Variants in SHLD1 observed in about 807,000 individuals in gnomAD.
SHLD1 encodes RINN1-REV7-interacting novel NHEJ regulator 3.
SHLD1 carries 3 observed loss-of-function variants against 5.5 expected under a neutral mutation model. That is an observed-to-expected ratio of 0.54 (90% CI 0.25 to 1.40). The LOEUF (loss-of-function observed/expected upper bound fraction) is 1.40, where lower values mean the gene tolerates loss of function less well. Among genes scored for constraint, SHLD1 ranks in the 40% most tolerant of loss-of-function variants. The pLI is 0.15. For synonymous variants in SHLD1, 92 were observed against 94.3 expected (o/e 0.98, Z 0.14); for missense variants, 210 against 244.4 (o/e 0.86, Z 0.94).
At chr20:5,786,153 A>G (rs762711577) in intron 2 of SHLD1, among the ~76,000 whole-genome samples, 37 of 152,220 alleles carry the variant, frequency 2.4e-4, no homozygotes, top group Admixed American at 7.2e-4. Context: ...AAGGCCAGCC[A>G]TAGAAGCTAG....
chr20:5,850,659 T>C (rs1169685672), intron 2 of SHLD1, among the ~76,000 whole-genome samples: 1 of 151,946 alleles, frequency 6.6e-6, no homozygotes, highest in African/African-American at 2.4e-5. Flanking sequence ...TACAGGTGTG[T>C]GCCACCACAC....
Position 5,863,562 on chromosome 20 carries a change from G to A in SHLD1, c.*99G>A. On this transcript the variant is annotated 3_prime_UTR_variant, in exon 3 of 3. Coordinates refer to ENST00000303142, the MANE Select transcript of SHLD1 (RefSeq NM_152504.4). ...TCCCCTAGGGTCTCTGGCCAGCTCT[G>A]TGTGCCCAATCCCAATTAAGTGCTT... 8.2e-7 allele frequency: 1 copy of A among 1,222,424 alleles called. No homozygotes were observed. Among genetic ancestry groups the A allele is most frequent in the South Asian group, 1.5e-5 (1 of 67,676 alleles). 75.7% of individuals were successfully genotyped at this position (1,222,424 alleles called of 1,614,324 possible).
chr20:5,819,935 T>G (rs905916864), intron 2 of SHLD1, among the ~76,000 whole-genome samples: 88 of 149,422 alleles, frequency 5.9e-4, no homozygotes, highest in African/African-American at 2.0e-3. Context: ...CTTGACAGTG[T>G]TTTTTTTTTG....
At chr20:5,803,820 C>T (rs1038383484) in intron 2 of SHLD1, among the ~76,000 whole-genome samples, 9 of 150,852 alleles carry the variant, frequency 6.0e-5, no homozygotes, top group Admixed American at 2.0e-4. Context: ...TGCAGTGAAC[C>T]GAGATCGCGC....
intron 2 of SHLD1, among the ~76,000 whole-genome samples, chr20:5,836,761 A>G (rs1378453154): frequency 1.3e-5 from 2 of 152,276 alleles, no homozygotes; most frequent in East Asian, 3.9e-4. Context: ...CCCAGACCAT[A>G]AGCCCTACCC....
chr20:5,803,501 T>A (rs2087327934), intron 2 of SHLD1, among the ~76,000 whole-genome samples: 1 of 152,066 alleles, frequency 6.6e-6, no homozygotes, highest in Non-Finnish European at 1.5e-5. Flanking sequence ...ATAGAAAGAA[T>A]GAAAGCTCTC....
intron 1 of SHLD1, among the ~76,000 whole-genome samples, chr20:5,754,384 T>C (rs1471309232): frequency 6.6e-6 from 1 of 152,174 alleles, no homozygotes; most frequent in Admixed American, 6.6e-5. Flanking sequence ...GTGCTGGGAC[T>C]ACAGGTGTCA....
At chr20:5,822,587 G>A (rs2087618150) in intron 2 of SHLD1, among the ~76,000 whole-genome samples, 1 of 152,096 alleles carries the variant, frequency 6.6e-6, no homozygotes, top group Admixed American at 6.6e-5. Flanking sequence ...GACAAATTGT[G>A]TGGTTCCTTA....
intron 2 of SHLD1, among the ~76,000 whole-genome samples, chr20:5,826,606 A>T (rs937949630): frequency 2.0e-5 from 3 of 152,098 alleles, no homozygotes; most frequent in African/African-American, 7.2e-5. Flanking sequence ...CCAGCTCTGA[A>T]GTCCTCCTCC....
At chr20:5,780,726 G>A (rs902355684) in intron 2 of SHLD1, among the ~76,000 whole-genome samples, 1 of 152,194 alleles carries the variant, frequency 6.6e-6, no homozygotes, top group Admixed American at 6.5e-5. Context: ...TTTTGAAGGG[G>A]CTGCCTGCCT....
chr20:5,757,908 C>T (rs1324545889), intron 1 of SHLD1, among the ~76,000 whole-genome samples: 4 of 152,128 alleles, frequency 2.6e-5, no homozygotes, highest in Non-Finnish European at 5.9e-5. Flanking sequence ...CAGTCCACAT[C>T]AATTATTTTC....
chr20:5,752,163 T>A (rs1271629690), intron 1 of SHLD1, among the ~76,000 whole-genome samples: 4 of 152,068 alleles, frequency 2.6e-5, no homozygotes, highest in Non-Finnish European at 4.4e-5. Flanking sequence ...TGTGAGGCCG[T>A]GGCAGGCAGA....
At chr20:5,835,482 T>C (rs1253163142) in intron 2 of SHLD1, among the ~76,000 whole-genome samples, 1 of 152,090 alleles carries the variant, frequency 6.6e-6, no homozygotes, top group Non-Finnish European at 1.5e-5. Context: ...CTGCAGAAGC[T>C]GTGGTGGGGG....
intron 2 of SHLD1, among the ~76,000 whole-genome samples, chr20:5,838,900 G>A (rs2087821647): frequency 6.6e-6 from 1 of 152,224 alleles, no homozygotes; most frequent in Non-Finnish European, 1.5e-5. Context: ...TGTGGCTGAT[G>A]TCCTTGTCAG....
intron 1 of SHLD1, among the ~76,000 whole-genome samples, chr20:5,771,019 C>G (rs564345161): frequency 6.6e-6 from 1 of 152,156 alleles, no homozygotes; most frequent in African/African-American, 2.4e-5. Flanking sequence ...CAGCTGTCAC[C>G]CATACTTTCT....
At chr20:5,782,580 A>G (rs914744757) in intron 2 of SHLD1, among the ~76,000 whole-genome samples, 1 of 152,234 alleles carries the variant, frequency 6.6e-6, no homozygotes, top group African/African-American at 2.4e-5. Context: ...TGTTAAACAC[A>G]ATAAGTCTTT....
At chr20:5,837,246 G>A (rs1222296122) in intron 2 of SHLD1, among the ~76,000 whole-genome samples, 1 of 152,150 alleles carries the variant, frequency 6.6e-6, no homozygotes, top group Non-Finnish European at 1.5e-5. Context: ...AGGAGTATTG[G>A]CCTCCCCTCC....
At chr20:5,819,012 G>A (rs199541811) in intron 2 of SHLD1, among the ~76,000 whole-genome samples, 6 of 152,240 alleles carry the variant, frequency 3.9e-5, no homozygotes, top group East Asian at 3.9e-4. Context: ...ACAGGTGTGC[G>A]CCATCACACC....
intron 2 of SHLD1, among the ~76,000 whole-genome samples, chr20:5,816,554 C>T (rs1326781070): frequency 6.6e-6 from 1 of 152,124 alleles, no homozygotes; most frequent in Non-Finnish European, 1.5e-5. Flanking sequence ...GGAAACTGAG[C>T]TTTGGAAAAT....
Sources: gnomAD v4.1 joint callset for allele counts (sites outside exome capture counted in the v4.1 genomes callset) on GRCh38, gnomAD v4.1.1 for gene constraint, MANE v1.5 for transcripts, NCBI Gene and HGNC (gene_info 2026-07-23, HGNC 2026-07-21) for gene names.